PPP1R12A: variants seen among roughly 807,000 people sequenced by gnomAD.
PPP1R12A encodes the protein myosin binding subunit.
Under a neutral mutation model 139.6 loss-of-function variants are expected in PPP1R12A, and 19 were observed. The ratio of observed to expected loss-of-function variants is 0.14; its 90% CI spans 0.09 to 0.20. The LOEUF (loss-of-function observed/expected upper bound fraction) is 0.20, where lower values mean the gene tolerates loss of function less well. PPP1R12A is among the 10% of genes least tolerant of loss of function. The pLI is 1.00. For missense variants in PPP1R12A, 925 were observed against 1,211.5 expected, an observed-to-expected ratio of 0.76 and a Z score of 3.51; for synonymous variants, 427 against 420.6, an observed-to-expected ratio of 1.02 and a Z score of -0.19.
Position 79,809,949 on chromosome 12 carries a change from G to A in PPP1R12A, c.1301C>T (p.Ala434Val). The A allele has an allele frequency of 6.2e-7, 1 of 1,613,516 alleles. No homozygotes were observed. The highest frequency in any genetic ancestry group is 1.7e-5 in the Admixed American group (1 of 59,952). The change falls in exon 10 of 25, where the codon GCA (alanine) becomes GTA (valine). Residue 434 changes from alanine (A) to valine (V), a missense_variant. This residue lies in a region of PPP1R12A where 403 missense variants were observed against 463.7 expected (regional missense o/e 0.87). Coordinates refer to ENST00000450142, the MANE Select transcript of PPP1R12A (RefSeq NM_002480.3). ...CTTTCTAAGTCCTAACCTCCAAGTTGCAGGAGACTCATCTTTTCTCTCTTC... is the reference window on the plus strand; with the variant it reads ...CTTTCTAAGTCCTAACCTCCAAGTTACAGGAGACTCATCTTTTCTCTCTTC... The part of the protein sequence containing the change: ...KEEERKDESP[A>V]TWRLGLRKTG...
At chr12:79,898,721 A>C (rs1885358008) in intron 1 of PPP1R12A, among the ~76,000 whole-genome samples, 1 of 151,934 alleles carries the variant, frequency 6.6e-6, no homozygotes. Context: ...AAAACCAATC[A>C]CTAGTCCAAT....
chr12:79,780,249 A>T (rs2136968475), intron 23 of PPP1R12A: 1 of 152,174 alleles, frequency 6.6e-6, no homozygotes, highest in South Asian at 2.1e-4. Flanking sequence ...CAAGGAAAAA[A>T]AATATGGTTT....
intron 22 of PPP1R12A, among the ~76,000 whole-genome samples, chr12:79,784,196 C>G (rs1870822091): frequency 6.6e-6 from 1 of 152,042 alleles, no homozygotes; most frequent in South Asian, 2.1e-4. Flanking sequence ...ACAGTAGATT[C>G]AGGATAAATA....
intron 16 of PPP1R12A, 25 bp from the exon 17 acceptor site, chr12:79,796,975 C>T (rs570291959): frequency 2.6e-6 from 4 of 1,567,508 alleles, no homozygotes; most frequent in Non-Finnish European, 3.4e-6. Flanking sequence ...GATCAAAACC[C>T]ATTTGAAACA....
intron 2 of PPP1R12A, among the ~76,000 whole-genome samples, chr12:79,845,675 A>C (rs956698740): frequency 5.9e-5 from 9 of 152,224 alleles, no homozygotes; most frequent in African/African-American, 2.2e-4. Flanking sequence ...TCTCTACTAA[A>C]AATACAAAAA....
chr12:79,833,368 C>T (rs1877667355), intron 3 of PPP1R12A, among the ~76,000 whole-genome samples: 1 of 152,164 alleles, frequency 6.6e-6, no homozygotes, highest in Non-Finnish European at 1.5e-5. Context: ...GAAAGATACT[C>T]TTGAAATTCC....
intron 1 of PPP1R12A, among the ~76,000 whole-genome samples, chr12:79,916,168 CCTATAAACAACAAAT>C (rs1886979947): frequency 6.6e-6 from 1 of 151,768 alleles, no homozygotes; most frequent in Non-Finnish European, 1.5e-5. Context: ...AACAAATGTA[CCTATAAACAACAAAT>C]GTACCTATAA....
chr12:79,789,449 C>T (rs1871528804), intron 20 of PPP1R12A: 2 of 248,400 alleles, frequency 8.1e-6, no homozygotes, highest in Non-Finnish European at 1.6e-5. Context: ...GTAGGTAACA[C>T]AATGGTGTTT....
intron 2 of PPP1R12A, among the ~76,000 whole-genome samples, chr12:79,871,435 T>C (rs1197888185): frequency 1.3e-5 from 2 of 152,182 alleles, no homozygotes; most frequent in Admixed American, 1.3e-4. Flanking sequence ...CCAGTGTAGA[T>C]ACAAAAGGTA....
Position 79,869,113 on chromosome 12 carries a change from G to A in PPP1R12A, c.368+3695C>T, listed in dbSNP as rs561904235. Among the ~76,000 whole-genome samples, 3 of 152,222 alleles carry A rather than the reference G, an allele frequency of 2.0e-5. No homozygotes were observed. In the South Asian group the frequency reaches 6.2e-4, roughly 32 times the overall value. ...AACCTCTATTTTTAGTTTACCCTAG[G>A]ACTTCTACCTTGTTAAGAATAAGCA... On this transcript the variant is annotated intron_variant, in intron 2 of 24. Transcript: ENST00000450142.
intron 1 of PPP1R12A, among the ~76,000 whole-genome samples, chr12:79,877,285 A>G (rs1021555056): frequency 6.6e-6 from 1 of 152,172 alleles, no homozygotes; most frequent in Non-Finnish European, 1.5e-5. Flanking sequence ...TATCTTACAT[A>G]TAACAGATGA....
At chr12:79,908,270 A>C (rs1886287844) in intron 1 of PPP1R12A, among the ~76,000 whole-genome samples, 1 of 152,240 alleles carries the variant, frequency 6.6e-6, no homozygotes, top group Non-Finnish European at 1.5e-5. Context: ...TAATTATTTC[A>C]GATCTTCAAA....
chr12:79,879,040 T>C (rs1450108495), intron 1 of PPP1R12A, among the ~76,000 whole-genome samples: 1 of 152,156 alleles, frequency 6.6e-6, no homozygotes, highest in Non-Finnish European at 1.5e-5. Context: ...AAGTAAAAAA[T>C]TCAAGAAGTT....
intron 1 of PPP1R12A, among the ~76,000 whole-genome samples, chr12:79,880,903 C>T (rs1383474142): frequency 1.3e-5 from 2 of 151,884 alleles, no homozygotes; most frequent in Non-Finnish European, 2.9e-5. Flanking sequence ...GTAATTTGCA[C>T]AATATTTTAA....
chr12:79,874,135 G>A (rs1013720224), intron 1 of PPP1R12A, among the ~76,000 whole-genome samples: 1 of 151,930 alleles, frequency 6.6e-6, no homozygotes, highest in African/African-American at 2.4e-5. Context: ...AATTAGCCAG[G>A]CATGGTGGAG....
At chr12:79,872,975 C>T (rs374377968) in intron 1 of PPP1R12A, 37 bp from the exon 2 acceptor site, 88 of 1,582,066 alleles carry the variant, frequency 5.6e-5, no homozygotes, top group Non-Finnish European at 6.8e-5. Flanking sequence ...GGAAAAAATA[C>T]GAATTAACAC....
intron 14 of PPP1R12A, among the ~76,000 whole-genome samples, chr12:79,802,293 T>C (rs1262431239): frequency 1.3e-5 from 2 of 152,206 alleles, no homozygotes; most frequent in Non-Finnish European, 2.9e-5. Context: ...TTTTGTGGCA[T>C]ATTCAGTAAA....
chr12:79,873,018 A>G lies in PPP1R12A; in HGVS notation c.238-80T>C. 3 of 1,366,344 alleles carry G rather than the reference A, an allele frequency of 2.2e-6. No homozygotes were observed. In the South Asian group the frequency reaches 4.1e-5, roughly 19 times the overall value. The allele number at this position is 1,366,344 out of a possible 1,614,324, so 84.6% of individuals were successfully genotyped here. A position where few individuals can be genotyped will look rare whatever the true frequency, so the allele number is the denominator to read the frequency against. ...AATACATCAATAGAATAAAATTCCTACTTTGTAGCTTTTATAATATAAATA... is the reference window on the plus strand; with the variant it reads ...AATACATCAATAGAATAAAATTCCTGCTTTGTAGCTTTTATAATATAAATA... On this transcript the variant is annotated intron_variant, in intron 1 of 24. Transcript: ENST00000450142.
Position 79,832,320 on chromosome 12 carries a change from A to G in PPP1R12A, c.647+12T>C, listed in dbSNP as rs1877532655. On this transcript the variant is annotated intron_variant, in intron 4 of 24. Coordinates refer to ENST00000450142, the MANE Select transcript of PPP1R12A (RefSeq NM_002480.3). ...ACTAAAATAGAAAAACTCTGTAAAA[A>G]ACAATACTTACTTTAAAACTTCCGT... The G allele has an allele frequency of 1.9e-6, 3 of 1,589,190 alleles. No individual in the cohort carries two copies. Among genetic ancestry groups the G allele is most frequent in the South Asian group, 1.2e-5 (1 of 86,042 alleles).
Sources: allele counts gnomAD v4.1 joint callset (sites outside exome capture counted in the v4.1 genomes callset), GRCh38; gene constraint gnomAD v4.1.1; regional missense constraint gnomAD v4.1.1; transcripts MANE v1.5; gene names NCBI Gene and HGNC (gene_info 2026-07-23, HGNC 2026-07-21).